The following GSE1 variants were observed in gnomAD, a reference collection of about 807,000 sequenced individuals.
GSE1 encodes the protein genetic suppressor element 1.
GSE1 carries 32 observed loss-of-function variants against 112.6 expected under a neutral mutation model. The ratio of observed to expected loss-of-function variants is 0.28; its 90% confidence interval spans 0.21 to 0.38. The LOEUF (loss-of-function observed/expected upper bound fraction) is 0.38, where lower values mean the gene tolerates loss of function less well. Ranked by LOEUF, GSE1 falls within the 10% of genes least tolerant of loss-of-function variation. The pLI, the probability that GSE1 is intolerant of heterozygous loss-of-function variation, is 1.00. For missense variants in GSE1, 2,348 were observed against 1,699.2 expected (o/e 1.38, Z -6.71); for synonymous variants, 1,115 against 735.6 (o/e 1.52, Z -8.35).
At chr16:85,636,154 C>T (rs2049978597) in intron 2 of GSE1, among the ~76,000 whole-genome samples, 1 of 152,210 alleles carries the variant, frequency 6.6e-6, no homozygotes, top group Non-Finnish European at 1.5e-5. Flanking sequence ...TGGGAAGGGT[C>T]CCCCATGGTG....
At chr16:85,463,056 G>C in intron 2 of GSE1, 1 of 983,294 alleles carries the variant, frequency 1.0e-6, no homozygotes, top group Non-Finnish European at 1.2e-6. Flanking sequence ...GAGGCCCCGG[G>C]TCCCGCGGCC....
At chr16:85,639,286 C>T (rs1309758489) in intron 2 of GSE1, among the ~76,000 whole-genome samples, 1 of 152,212 alleles carries the variant, frequency 6.6e-6, no homozygotes, top group African/African-American at 2.4e-5. Flanking sequence ...TGGGTACAAG[C>T]AGGGACCTGT....
chr16:85,570,102 G>A (rs544508700), intron 1 of GSE1, among the ~76,000 whole-genome samples: 1 of 152,318 alleles, frequency 6.6e-6, no homozygotes, highest in South Asian at 2.1e-4. Context: ...AGCAGCCGTC[G>A]GGCTAGCTGA....
At chr16:85,628,302 T>A (rs1297449250) in intron 1 of GSE1, among the ~76,000 whole-genome samples, 2 of 152,176 alleles carry the variant, frequency 1.3e-5, no homozygotes, top group African/African-American at 4.8e-5. Flanking sequence ...GGCTCACAGC[T>A]CCTCAGGAGC....
At chr16:85,348,073 G>A (rs1363908322) in intron 1 of GSE1, among the ~76,000 whole-genome samples, 5 of 152,192 alleles carry the variant, frequency 3.3e-5, no homozygotes, top group South Asian at 4.2e-4. Context: ...GGTCCAGGAC[G>A]CATGGTCCAG....
chr16:85,282,119 C>T (rs1399831267), intron 1 of GSE1, among the ~76,000 whole-genome samples: 2 of 152,022 alleles, frequency 1.3e-5, no homozygotes, highest in African/African-American at 4.8e-5. Flanking sequence ...CCTCTGCCTC[C>T]TGGGTTCAAG....
intron 2 of GSE1, among the ~76,000 whole-genome samples, chr16:85,473,670 C>A (rs2050364398): frequency 6.6e-6 from 1 of 152,184 alleles, no homozygotes; most frequent in Non-Finnish European, 1.5e-5. Context: ...TCCAGGACCA[C>A]CTCATTGCAG....
chr16:85,195,555 T>C (rs1458531623), intron 1 of GSE1, among the ~76,000 whole-genome samples: 1 of 152,218 alleles, frequency 6.6e-6, no homozygotes, highest in African/African-American at 2.4e-5. Flanking sequence ...TATGCCACAT[T>C]TGTCAAATCC....
At chr16:85,187,998 C>T (rs560967448) in intron 1 of GSE1, among the ~76,000 whole-genome samples, 8 of 152,248 alleles carry the variant, frequency 5.3e-5, no homozygotes, top group Non-Finnish European at 7.3e-5. Context: ...TGCTCCCAGA[C>T]TCCTGGCACG....
rs541171007 is a variant in GSE1, at chr16:85,633,313, C to T, written c.8-601C>T. Among the ~76,000 whole-genome samples, 428 of 152,268 alleles carry T rather than the reference C, an allele frequency of 2.8e-3. 1 individual carries two copies. The highest frequency in any genetic ancestry group is 4.5e-3 in the Non-Finnish European group (309 of 67,990). ...CAGGGTCCCTGAGTGGCGGGGAGGC[C>T]GGGGGTCTGCCCTGAGTGCCCGCGT... is the stretch of plus-strand genomic sequence containing the variant. On this transcript the variant is annotated intron_variant, in intron 1 of 15. Coordinates refer to ENST00000253458, the MANE Select transcript of GSE1 (RefSeq NM_014615.5).
At chr16:85,637,642 C>T (rs36017235) in intron 2 of GSE1, among the ~76,000 whole-genome samples, 25,234 of 152,278 alleles carry the variant, frequency 0.17, 2,136 homozygotes, top group Middle Eastern at 0.22. Flanking sequence ...ACTGAGCCTC[C>T]GGCTTGCCCG....
Position 85,589,224 on chromosome 16 carries a change from G to T in GSE1, c.37+32861G>T, listed in dbSNP as rs372344513. On this transcript the variant is annotated intron_variant, in intron 1 of 2. Coordinates refer to the GSE1 transcript ENST00000635906. ...CTGCACCCCAGACCTCCTGCCTGGGGCATGGGAGACCCAGGATGCCACCTG... is the reference window on the plus strand; with the variant it reads ...CTGCACCCCAGACCTCCTGCCTGGGTCATGGGAGACCCAGGATGCCACCTG... Among the ~76,000 whole-genome samples the T allele has an allele frequency of 1.3e-3, 205 of 152,312 alleles. 1 individual carries two copies. Among genetic ancestry groups the T allele is most frequent in the African/African-American group, 4.6e-3 (191 of 41,576 alleles).
At chr16:85,291,709 C>G (rs2045218349) in intron 1 of GSE1, among the ~76,000 whole-genome samples, 1 of 152,212 alleles carries the variant, frequency 6.6e-6, no homozygotes, top group South Asian at 2.1e-4. Flanking sequence ...ACTGCCCTCA[C>G]CCTGTGGGGG....
At chr16:85,554,817 G>GGCCA (rs2045117046), upstream of GSE1, 1 of 924,118 alleles carries the variant, frequency 1.1e-6, no homozygotes, top group Admixed American at 6.2e-5. Context: ...GCGGGCGGGC[G>GGCCA]GCCAGAGCGC....
At position 85,533,736 on chromosome 16, in the gene GSE1, G is replaced by A. The variant is rs142615058; in HGVS notation, c.2465-100178G>A. 1.3e-3 allele frequency among the ~76,000 whole-genome samples: 204 copies of A among 152,116 alleles called. 1 individual carries two copies. Among genetic ancestry groups the A allele is most frequent in the African/African-American group, 4.7e-3 (195 of 41,504 alleles). On this transcript the variant is annotated intron_variant, in intron 2 of 2. Coordinates refer to the GSE1 transcript ENST00000637419. Reference sequence around the variant, plus strand: ...AAAAACTATCTGGACGTAGTGGCACGTACCTGTGATCCCAGCTACTTGGGA... The same window carrying A: ...AAAAACTATCTGGACGTAGTGGCACATACCTGTGATCCCAGCTACTTGGGA...
chr16:85,461,438 T>C (rs1420376910), intron 2 of GSE1, among the ~76,000 whole-genome samples: 2 of 152,090 alleles, frequency 1.3e-5, no homozygotes, highest in African/African-American at 2.4e-5. Flanking sequence ...CAGGGAGCTT[T>C]AGAAACTACC....
chr16:85,623,053 T>A (rs1300537929), intron 1 of GSE1, among the ~76,000 whole-genome samples: 1 of 152,066 alleles, frequency 6.6e-6, no homozygotes, highest in African/African-American at 2.4e-5. Flanking sequence ...GGGCTGTGGT[T>A]TTTATGGCTT....
chr16:85,336,682 C>T (rs1216616063), intron 1 of GSE1, among the ~76,000 whole-genome samples: 2 of 151,840 alleles, frequency 1.3e-5, no homozygotes, highest in African/African-American at 4.8e-5. Context: ...GCTCACTGCA[C>T]CCTCCGCCTC....
At chr16:85,174,515 C>T (rs1346165826) in intron 1 of GSE1, among the ~76,000 whole-genome samples, 2 of 152,242 alleles carry the variant, frequency 1.3e-5, no homozygotes, top group Non-Finnish European at 2.9e-5. Flanking sequence ...GCCTTCTGGT[C>T]TTCCGTCCTC....
Sources: allele counts gnomAD v4.1 joint callset (sites outside exome capture counted in the v4.1 genomes callset), GRCh38; gene constraint gnomAD v4.1.1; transcripts MANE v1.5; gene names NCBI Gene and HGNC (gene_info 2026-07-23, HGNC 2026-07-21).